The following GRID1 variants were observed in gnomAD, a reference collection of about 807,000 sequenced individuals.
GRID1 encodes glutamate receptor ionotropic, delta-1.
A neutral mutation model predicts 98.0 loss-of-function variants in GRID1; 28 were observed. The observed-to-expected ratio is 0.29, with a 90% CI of 0.21 to 0.39. The LOEUF (loss-of-function observed/expected upper bound fraction) is 0.39. Ranked by LOEUF, GRID1 falls within the 10% of genes least tolerant of loss-of-function variation. GRID1 has a pLI of 1.00. For missense variants in GRID1, 1,111 were observed against 1,340.5 expected (o/e 0.83, Z 2.67); for synonymous variants, 553 against 538.5 (o/e 1.03, Z -0.37).
At chr10:86,130,561 T>G (rs548613043) in intron 4 of GRID1, among the ~76,000 whole-genome samples, 10 of 152,114 alleles carry the variant, frequency 6.6e-5, no homozygotes, top group Non-Finnish European at 1.0e-4. Context: ...AGGAGTTCGG[T>G]TGGAGACAGT....
intron 2 of GRID1, among the ~76,000 whole-genome samples, chr10:86,231,593 G>A (rs958512312): frequency 2.0e-5 from 3 of 152,140 alleles, no homozygotes; most frequent in African/African-American, 4.8e-5. Context: ...GAGCACAGTC[G>A]GGGTCATGTT....
chr10:85,608,970 G>A (rs1220669203), intron 15 of GRID1, among the ~76,000 whole-genome samples: 1 of 152,164 alleles, frequency 6.6e-6, no homozygotes, highest in Non-Finnish European at 1.5e-5. Flanking sequence ...ATGTAAATGT[G>A]TAGCCAGAAG....
chr10:85,862,738 A>T lies in GRID1; in HGVS notation c.951+6272T>A, dbSNP rs191036824. ...CCAGGGATGGAAAAATAGATTTTTT[A>T]AAAAGTTATTACCAGAATTTCTATT... is the stretch of plus-strand genomic sequence containing the variant. On this transcript the variant is annotated intron_variant, in intron 6 of 15. Coordinates refer to ENST00000327946, the MANE Select transcript of GRID1 (RefSeq NM_017551.3). Among the ~76,000 whole-genome samples, 650 of 152,346 alleles carry T rather than the reference A, an allele frequency of 4.3e-3. 12 individuals carry two copies. In the East Asian group the frequency reaches 0.063, roughly 15 times the overall value.
In GRID1 at chr10:85,916,675, A is replaced by G. The variant is rs1226328084; in HGVS notation, c.727-436T>C. 6.6e-6 allele frequency among the ~76,000 whole-genome samples: 1 copy of G among 152,236 alleles called. No homozygotes were observed. Among genetic ancestry groups the G allele is most frequent in the African/African-American group, 2.4e-5 (1 of 41,470 alleles). ...GTCTAGTCCAGCTGTACTGAGTGAC[A>G]TTCAGGAAGACAGCAGCTCACAGCA... On this transcript the variant is annotated intron_variant, in intron 4 of 15. Coordinates refer to ENST00000327946, the MANE Select transcript of GRID1 (RefSeq NM_017551.3). The surrounding 1 kb of genome is among the most constrained non-coding windows in gnomAD (Gnocchi z 4.0).
In GRID1 at chr10:86,195,114, G is replaced by C. The variant is rs558772378; in HGVS notation, c.520+11250C>G. Among the ~76,000 whole-genome samples the C allele has an allele frequency of 6.6e-6, 1 of 152,212 alleles. No individual in the cohort carries two copies. The highest frequency in any genetic ancestry group is 2.4e-5 in the African/African-American group (1 of 41,560). ...TGGCCCAGAGGAAGCTTAGGCAGAG[G>C]CAAGTCCTATCCCTACCCTTCCAGG... On this transcript the variant is annotated intron_variant, in intron 3 of 15. Transcript: ENST00000327946. The surrounding 1 kb of genome is among the most constrained non-coding windows in gnomAD (Gnocchi z 4.4).
intron 8 of GRID1, among the ~76,000 whole-genome samples, chr10:85,765,490 T>TGACACAAA (rs950357251): frequency 6.6e-6 from 1 of 152,190 alleles, no homozygotes. Context: ...AGCATTGACA[T>TGACACAAA]GACACAAATG....
chr10:86,238,734 A>T (rs1846580127), intron 2 of GRID1, among the ~76,000 whole-genome samples: 2 of 151,844 alleles, frequency 1.3e-5, no homozygotes, highest in Admixed American at 1.3e-4. Flanking sequence ...AGAGGGTGCA[A>T]GCCATAAGCC....
intron 8 of GRID1, among the ~76,000 whole-genome samples, chr10:85,763,234 T>C (rs889137911): frequency 6.6e-6 from 1 of 152,162 alleles, no homozygotes; most frequent in Non-Finnish European, 1.5e-5. Flanking sequence ...GTATTTTACA[T>C]CTTGGAATAA....
At chr10:86,042,351 T>C (rs1257015603) in intron 4 of GRID1, among the ~76,000 whole-genome samples, 1 of 152,148 alleles carries the variant, frequency 6.6e-6, no homozygotes, top group Middle Eastern at 3.2e-3. Context: ...TGCTGAAGAC[T>C]GGGAGGCTCC....
intron 4 of GRID1, among the ~76,000 whole-genome samples, chr10:85,953,496 C>G (rs945807118): frequency 8.6e-5 from 13 of 151,938 alleles, no homozygotes; most frequent in African/African-American, 3.1e-4. Flanking sequence ...GAGTCAGCAC[C>G]CCTAACTTCA....
chr10:86,082,914 A>T (rs150220291), intron 4 of GRID1, among the ~76,000 whole-genome samples: 50 of 152,316 alleles, frequency 3.3e-4, no homozygotes, highest in Non-Finnish European at 6.3e-4. Context: ...AGCGGGTGGA[A>T]GCAGCTGATG....
intron 4 of GRID1, among the ~76,000 whole-genome samples, chr10:86,037,620 C>T (rs541037086): frequency 6.6e-6 from 1 of 152,250 alleles, no homozygotes; most frequent in South Asian, 2.1e-4. Flanking sequence ...CATCCCTTTC[C>T]CCAGGGACAG....
chr10:86,304,195 T>C (rs1847728584), intron 2 of GRID1, among the ~76,000 whole-genome samples: 2 of 152,234 alleles, frequency 1.3e-5, no homozygotes, highest in Admixed American at 6.5e-5. Context: ...TGCTTCAAAA[T>C]GCATTCTGCC....
At chr10:85,701,223 A>T (rs563478219) in intron 12 of GRID1, among the ~76,000 whole-genome samples, 1 of 152,270 alleles carries the variant, frequency 6.6e-6, no homozygotes, top group Non-Finnish European at 1.5e-5. Flanking sequence ...ATTTCTTCTT[A>T]TATTTACAGA....
At chr10:86,126,453 T>G (rs1844755234) in intron 4 of GRID1, among the ~76,000 whole-genome samples, 1 of 148,726 alleles carries the variant, frequency 6.7e-6, no homozygotes, top group Non-Finnish European at 1.5e-5. Flanking sequence ...AGACTCCGTC[T>G]CAAAAACAAA....
chr10:85,606,290 G>A (rs1440691290), intron 15 of GRID1: 2 of 152,126 alleles, frequency 1.3e-5, no homozygotes, highest in South Asian at 2.1e-4. Context: ...CACAGAAAGT[G>A]TCTACACCAA....
chr10:86,363,156 G>A (rs57271625), intron 2 of GRID1, among the ~76,000 whole-genome samples: 38,824 of 152,274 alleles, frequency 0.25, 6,489 homozygotes, highest in East Asian at 0.51. Flanking sequence ...GGAAAGCAGA[G>A]GGGGTTGCTG....
chr10:86,190,654 G>A (rs1845788951), intron 3 of GRID1, among the ~76,000 whole-genome samples: 1 of 152,136 alleles, frequency 6.6e-6, no homozygotes, highest in South Asian at 2.1e-4. Context: ...TAGAAGGAAG[G>A]CCTCAGGAAG....
chr10:85,694,588 ATATATATATATAT>A (rs1841371965), intron 12 of GRID1, among the ~76,000 whole-genome samples: 2 of 91,336 alleles, frequency 2.2e-5, no homozygotes, highest in Non-Finnish European at 2.0e-5. Context: ...ATATATATAT[ATATATATATATAT>A]AATGGAATAT....
Sources: gnomAD v4.1 joint callset for allele counts (sites outside exome capture counted in the v4.1 genomes callset) on GRCh38, gnomAD v4.1.1 for gene constraint, Gnocchi (gnomAD v3.1) non-coding constraint, MANE v1.5 for transcripts, NCBI Gene and HGNC (gene_info 2026-07-23, HGNC 2026-07-21) for gene names.